The following SUMF1 variants were observed in gnomAD, a reference collection of about 807,000 sequenced individuals.
SUMF1 encodes the protein sulfatase modifying factor 1, also known as formylglycine-generating enzyme.
Under a neutral mutation model 47.6 loss-of-function variants are expected in SUMF1, and 48 were observed. The observed-to-expected ratio is 1.01, with a 90% CI of 0.80 to 1.28. The LOEUF (loss-of-function observed/expected upper bound fraction) is 1.28. SUMF1 is among the 50% of genes most tolerant of loss of function. SUMF1 has a pLI of 0.00. For synonymous variants in SUMF1, 230 were observed against 192.1 expected, an observed-to-expected ratio of 1.20 and a Z score of -1.63; for missense variants, 571 against 485.4, an observed-to-expected ratio of 1.18 and a Z score of -1.66.
intron 8 of SUMF1, among the ~76,000 whole-genome samples, chr3:4,150,273 T>A (rs528921875): frequency 6.1e-5 from 9 of 147,532 alleles, no homozygotes; most frequent in Non-Finnish European, 1.2e-4. Context: ...TTTAAAAAAA[T>A]TTTGTAGGCC....
chr3:4,344,902 G>A (rs1456948785), intron 8 of SUMF1, among the ~76,000 whole-genome samples: 1 of 151,990 alleles, frequency 6.6e-6, no homozygotes, highest in South Asian at 2.1e-4. Context: ...AGTGTCAATA[G>A]CCAAATACAG....
At chr3:4,096,233 C>T (rs577416879) in intron 8 of SUMF1, among the ~76,000 whole-genome samples, 11 of 152,232 alleles carry the variant, frequency 7.2e-5, no homozygotes, top group African/African-American at 1.4e-4. Context: ...CCAACTCAGT[C>T]GGTCATCATG....
At chr3:4,317,202 C>A in intron 8 of SUMF1, 1 of 1,547,958 alleles carries the variant, frequency 6.5e-7, no homozygotes, top group South Asian at 1.2e-5. Flanking sequence ...ACTTATTTCT[C>A]GTTGGCAAAA....
intron 8 of SUMF1, among the ~76,000 whole-genome samples, chr3:4,197,535 A>C (rs1242596446): frequency 6.6e-6 from 1 of 152,162 alleles, no homozygotes; most frequent in African/African-American, 2.4e-5. Context: ...CTTCTGAGAC[A>C]GAGAAGAAAT....
chr3:4,049,533 C>T (rs2125022202), intron 9 of SUMF1, among the ~76,000 whole-genome samples: 1 of 152,252 alleles, frequency 6.6e-6, no homozygotes, highest in African/African-American at 2.4e-5. Flanking sequence ...CTCATCTGTT[C>T]AGTAACCACT....
chr3:4,315,113 G>A (rs1004018312), intron 8 of SUMF1, among the ~76,000 whole-genome samples: 3 of 152,152 alleles, frequency 2.0e-5, no homozygotes, highest in East Asian at 1.9e-4. Flanking sequence ...CACATAAAAT[G>A]CCCCAAATTA....
intron 8 of SUMF1, among the ~76,000 whole-genome samples, chr3:4,099,561 TG>T (rs1482759696): frequency 6.6e-6 from 1 of 152,134 alleles, no homozygotes; most frequent in Non-Finnish European, 1.5e-5. Context: ...AAGACAAAGA[TG>T]GCTACTCTAA....
At chr3:4,372,300 C>CA (rs914042231) in intron 8 of SUMF1, among the ~76,000 whole-genome samples, 16 of 151,218 alleles carry the variant, frequency 1.1e-4, no homozygotes, top group African/African-American at 2.4e-4. Context: ...GATTCTGTCT[C>CA]AAAAAAAAGA....
At chr3:4,423,279 TACACACAC>T (rs56729932) in intron 3 of SUMF1, among the ~76,000 whole-genome samples, 34,059 of 147,146 alleles carry the variant, frequency 0.23, 4,679 homozygotes, top group Non-Finnish European at 0.32. Flanking sequence ...GAAACTGTGA[TACACACAC>T]ACACACACAC....
At chr3:4,394,440 G>T (rs1264186390) in intron 7 of SUMF1, among the ~76,000 whole-genome samples, 1 of 147,658 alleles carries the variant, frequency 6.8e-6, no homozygotes, top group African/African-American at 2.5e-5. Context: ...TTATAGGCAT[G>T]AGCCACAGCA....
intron 8 of SUMF1, among the ~76,000 whole-genome samples, chr3:4,275,433 C>T (rs2125040818): frequency 6.6e-6 from 1 of 152,188 alleles, no homozygotes; most frequent in South Asian, 2.1e-4. Flanking sequence ...AGGGCAATGT[C>T]AAGAGGCAGA....
At chr3:4,327,369 C>A (rs1698966835) in intron 8 of SUMF1, among the ~76,000 whole-genome samples, 1 of 152,120 alleles carries the variant, frequency 6.6e-6, no homozygotes, top group African/African-American at 2.4e-5. Flanking sequence ...CCAGAAGAGT[C>A]TTTTCCATAA....
At chr3:4,393,685 G>A (rs903849623) in intron 7 of SUMF1, among the ~76,000 whole-genome samples, 2 of 151,474 alleles carry the variant, frequency 1.3e-5, no homozygotes, top group African/African-American at 4.9e-5. Context: ...ATAGAGTGTG[G>A]CAGAAAGAGG....
chr3:4,162,554 G>A (rs567262611), intron 8 of SUMF1, among the ~76,000 whole-genome samples: 1 of 152,180 alleles, frequency 6.6e-6, no homozygotes, highest in South Asian at 2.1e-4. Flanking sequence ...CATCAGCTGA[G>A]TTCAGCTTGG....
rs148040029 is a variant in SUMF1, at chr3:4,149,673, T to A, written c.1015-80928A>T. Among the ~76,000 whole-genome samples, 464 of 152,288 alleles carry A rather than the reference T, an allele frequency of 3.0e-3. 5 individuals carry two copies. The highest frequency in any genetic ancestry group is 0.011 in the African/African-American group (438 of 41,554). ...AAGCAACCATCCCCACTTGGCACAA[T>A]TAAAATCTATGGCCATATACTACTA... On this transcript the variant is annotated intron_variant and NMD_transcript_variant, in intron 8 of 12. Transcript: ENST00000448413.
intron 8 of SUMF1, among the ~76,000 whole-genome samples, chr3:4,158,834 A>G (rs975744439): frequency 6.6e-6 from 1 of 151,514 alleles, no homozygotes. Flanking sequence ...TACACAGAGT[A>G]TCCTTTTCCA....
chr3:4,087,903 T>C (rs1692704268), intron 8 of SUMF1, among the ~76,000 whole-genome samples: 2 of 152,124 alleles, frequency 1.3e-5, no homozygotes, highest in African/African-American at 2.4e-5. Flanking sequence ...CAATTACTGA[T>C]ATTTTATTTT....
chr3:4,371,806 G>C (rs911311191), intron 8 of SUMF1, among the ~76,000 whole-genome samples: 49 of 152,272 alleles, frequency 3.2e-4, no homozygotes, highest in African/African-American at 1.1e-3. Context: ...AAAAATTGAG[G>C]CACACAGATG....
intron 7 of SUMF1, among the ~76,000 whole-genome samples, chr3:4,405,225 G>C (rs1050847509): frequency 2.6e-5 from 4 of 152,288 alleles, no homozygotes; most frequent in African/African-American, 9.6e-5. Context: ...CTGCAAGCAT[G>C]AGTATACATG....
Sources: gnomAD v4.1 joint callset for allele counts (sites outside exome capture counted in the v4.1 genomes callset) on GRCh38, gnomAD v4.1.1 for gene constraint, MANE v1.5 for transcripts, NCBI Gene and HGNC (gene_info 2026-07-23, HGNC 2026-07-21) for gene names.